Variants in NOG observed in about 807,000 individuals in gnomAD.
The protein encoded by NOG is symphalangism 1 (proximal).
Under a neutral mutation model 17.9 loss-of-function variants are expected in NOG, and 2 were observed. The ratio of observed to expected loss-of-function variants is 0.11; its 90% CI spans 0.05 to 0.35. NOG has a LOEUF of 0.35. NOG is among the 10% of genes least tolerant of loss of function. NOG has a pLI of 1.00. For missense variants in NOG, 266 were observed against 318.6 expected (o/e 0.83, Z 1.26); for synonymous variants, 166 against 148.7 (o/e 1.12, Z -0.85).
chr17:56,594,361 C>T lies in NOG; in HGVS notation c.138C>T (p.Leu46=), dbSNP rs1485754141. The T allele has an allele frequency of 3.7e-6, 6 of 1,613,282 alleles. No homozygotes were observed. Among genetic ancestry groups the T allele is most frequent in the East Asian group, 4.5e-5 (2 of 44,876 alleles). Residue 46 remains leucine (L), a synonymous_variant, in exon 1 of 1, where the codon CTC becomes CTT. Transcript: ENST00000332822. ...APSDNLPLVD[L]IEHPDPIFDP... is the part of the protein sequence containing the mutation. ...GCGACAACCTGCCCCTGGTGGACCT[C>T]ATCGAACACCCAGACCCTATCTTTG...
At position 56,595,195 on chromosome 17, in the gene NOG, C is replaced by T. The variant is rs1435662461; in HGVS notation, c.*273C>T. On this transcript the variant is annotated 3_prime_UTR_variant, in exon 1 of 1. Coordinates refer to ENST00000332822, the MANE Select transcript of NOG (RefSeq NM_005450.6). ...AGTATTATACGTTAAAAGTTACCGG[C>T]TTCTACTGTATTTTTAAAAAAAAGT... 7 of 318,334 alleles carry T rather than the reference C, an allele frequency of 2.2e-5. No homozygotes were observed. In the Admixed American group the frequency reaches 2.5e-4, roughly 11 times the overall value. 19.7% of individuals were successfully genotyped at this position (318,334 alleles called of 1,614,324 possible). A position where few individuals can be genotyped will look rare whatever the true frequency, so the allele number is the denominator to read the frequency against.
At position 56,594,130 on chromosome 17, in the gene NOG, G is replaced by T. The variant is rs2052464384; in HGVS notation, c.-94G>T. 16 of 1,162,310 alleles carry T rather than the reference G, an allele frequency of 1.4e-5. No homozygotes were observed. In the Admixed American group the frequency reaches 2.1e-4, roughly 16 times the overall value. The allele number at this position is 1,162,310 out of a possible 1,614,324, so 72.0% of individuals were successfully genotyped here. A position where few individuals can be genotyped will look rare whatever the true frequency, so the allele number is the denominator to read the frequency against. ...GCCCAGCCTCGGGTGAGCCGCCTCC[G>T]GAGAGACGGGGGAGCGCGGCGGCGC... On this transcript the variant is annotated 5_prime_UTR_variant, in exon 1 of 1. Coordinates refer to ENST00000332822, the MANE Select transcript of NOG (RefSeq NM_005450.6).
rs2052472574 is a variant in NOG at position 56,594,867 on chromosome 17, G to T, written c.644G>T (p.Cys215Phe). 1 of 1,605,446 alleles carries T rather than the reference G, an allele frequency of 6.2e-7. No homozygotes were observed. Among genetic ancestry groups the T allele is most frequent in the Non-Finnish European group, 8.5e-7 (1 of 1,176,160 alleles). The change falls in exon 1 of 1, where the codon TGC becomes TTC. Residue 215 changes from cysteine to phenylalanine, a missense_variant. Physicochemically the swap from Cys to Phe is radical, Grantham distance 205. Coordinates refer to ENST00000332822, the MANE Select transcript of NOG (RefSeq NM_005450.6). ...TGTCAGCGGCGCGGGGGCCAGCGCT[G>T]CGGCTGGATTCCCATCCAGTACCCC... ...WRCQRRGGQRCGWIPIQYPII... is the reference protein window; with the variant it reads ...WRCQRRGGQRFGWIPIQYPII...
At position 56,594,665 on chromosome 17, in the gene NOG, T is replaced by C. The variant is rs892664793; in HGVS notation, c.442T>C (p.Trp148Arg). 6.2e-7 allele frequency: 1 copy of C among 1,613,904 alleles called. No homozygotes were observed. The highest frequency in any genetic ancestry group is 1.3e-5 in the African/African-American group (1 of 74,940). The change falls in exon 1 of 1, where the codon TGG (tryptophan) becomes CGG (arginine). Residue 148 changes from tryptophan (W) to arginine (R), a missense_variant. Trp to Arg is a moderately radical substitution (Grantham distance 101). Around this residue, in one of 2 missense-constraint regions of NOG, gnomAD observed 74 missense variants for 121.0 expected, o/e 0.61. Transcript: ENST00000332822. ...SKKLRRKLQM[W>R]LWSQTFCPVL... is the part of the protein sequence containing the mutation. ...GAAGCTGCGGAGGAAGTTACAGATG[T>C]GGCTGTGGTCGCAGACATTCTGCCC...
In NOG at chr17:56,594,152, G is replaced by GCGC. The variant is rs956490471; in HGVS notation, c.-68_-66dup. On this transcript the variant is annotated 5_prime_UTR_variant, in exon 1 of 1. Coordinates refer to ENST00000332822, the MANE Select transcript of NOG (RefSeq NM_005450.6). ...TCCGGAGAGACGGGGGAGCGCGGCG[G>GCGC]CGCCGCGGGCTCGGCGTGCTCTCCT... The GCGC allele has an allele frequency of 7.5e-6, 10 of 1,335,126 alleles. No homozygotes were observed. The highest frequency in any genetic ancestry group is 4.6e-5 in the African/African-American group (3 of 65,614). The allele number at this position is 1,335,126 out of a possible 1,614,324, so 82.7% of individuals were successfully genotyped here.
rs71139919 is a variant in NOG at position 56,595,031 on chromosome 17, C to CTTTTTTT, written c.*129_*135dup. 23 of 365,052 alleles carry CTTTTTTT rather than the reference C, an allele frequency of 6.3e-5. No homozygotes were observed. In the African/African-American group the frequency reaches 8.6e-4, roughly 14 times the overall value. The allele number at this position is 365,052 out of a possible 1,614,324, so 22.6% of individuals were successfully genotyped here. Reference sequence around the variant, plus strand: ...CCCTCTAGCGAGGGTTTTCAATGAACTTTTTTTTTTTTTTTTTTTTTTTTT... The same window carrying CTTTTTTT: ...CCCTCTAGCGAGGGTTTTCAATGAACTTTTTTTTTTTTTTTTTTTTTTTTTTTTTTTT... On this transcript the variant is annotated 3_prime_UTR_variant, in exon 1 of 1. Coordinates refer to ENST00000332822, the MANE Select transcript of NOG (RefSeq NM_005450.6).
Position 56,594,234 on chromosome 17 carries a change from G to A in NOG, c.11G>A (p.Cys4Tyr), listed in dbSNP as rs747066445. The change falls in exon 1 of 1, where the codon TGC becomes TAC. Residue 4 changes from cysteine (C) to tyrosine (Y), a missense_variant. Physicochemically the swap from Cys to Tyr is radical, Grantham distance 194. Coordinates refer to ENST00000332822, the MANE Select transcript of NOG (RefSeq NM_005450.6). MER[C>Y]PSLGVTLYAL... ...GCGCGCGCCAGAGGCATGGAGCGCT[G>A]CCCCAGCCTAGGGGTCACCCTCTAC... The A allele has an allele frequency of 1.3e-6, 2 of 1,586,558 alleles. No homozygotes were observed. The highest frequency in any genetic ancestry group is 1.8e-5 in the Admixed American group (1 of 55,710).
At position 56,594,260 on chromosome 17, in the gene NOG, G is replaced by T. The variant is rs1404614359; in HGVS notation, c.37G>T (p.Ala13Ser). 6.2e-7 allele frequency: 1 copy of T among 1,608,428 alleles called. No individual in the cohort carries two copies. Residue 13 changes from alanine (A) to serine (S), a missense_variant, in exon 1 of 1, where the codon GCC (alanine) becomes TCC (serine). This residue lies in a region of NOG where 192 missense variants were observed against 197.6 expected (regional missense o/e 0.97). Transcript: ENST00000332822. Reference sequence around the variant, plus strand: ...CCCCAGCCTAGGGGTCACCCTCTACGCCCTGGTGGTGGTCCTGGGGCTGCG... The same window carrying T: ...CCCCAGCCTAGGGGTCACCCTCTACTCCCTGGTGGTGGTCCTGGGGCTGCG... ...RCPSLGVTLY[A>S]LVVVLGLRAT...
chr17:56,593,909 G>A lies in NOG; in HGVS notation c.-315G>A. The A allele has an allele frequency of 3.0e-6, 1 of 337,018 alleles. No homozygotes were observed. The highest frequency in any genetic ancestry group is 5.3e-6 in the Non-Finnish European group (1 of 187,306). 20.9% of individuals were successfully genotyped at this position (337,018 alleles called of 1,614,324 possible). On this transcript the variant is annotated 5_prime_UTR_variant, in exon 1 of 1. Coordinates refer to ENST00000332822, the MANE Select transcript of NOG (RefSeq NM_005450.6). ...GCGCCCTGCGCCGCCGCCGGCCCGGGAAGGCAGCGAGGAGCCGGCGCCTCC... is the reference window on the plus strand; with the variant it reads ...GCGCCCTGCGCCGCCGCCGGCCCGGAAAGGCAGCGAGGAGCCGGCGCCTCC...
chr17:56,594,925 C>T lies in NOG; in HGVS notation c.*3C>T. Reference sequence around the variant, plus strand: ...CCGAGTGCAAGTGCTCGTGCTAGAACTCGGGGGCCCCCTGCCCGCACCCGG... The same window carrying T: ...CCGAGTGCAAGTGCTCGTGCTAGAATTCGGGGGCCCCCTGCCCGCACCCGG... On this transcript the variant is annotated 3_prime_UTR_variant, in exon 1 of 1. Coordinates refer to ENST00000332822, the MANE Select transcript of NOG (RefSeq NM_005450.6). 6.4e-7 allele frequency: 1 copy of T among 1,563,058 alleles called. No individual in the cohort carries two copies. The highest frequency in any genetic ancestry group is 8.7e-7 in the Non-Finnish European group (1 of 1,153,124).
chr17:56,594,056 C>A lies in NOG; in HGVS notation c.-168C>A. The A allele has an allele frequency of 2.0e-6, 1 of 503,132 alleles. No homozygotes were observed. The highest frequency in any genetic ancestry group is 3.4e-6 in the Non-Finnish European group (1 of 295,932). 31.2% of individuals were successfully genotyped at this position (503,132 alleles called of 1,614,324 possible). On this transcript the variant is annotated 5_prime_UTR_variant, in exon 1 of 1. Transcript: ENST00000332822. Reference sequence around the variant, plus strand: ...TTTCTTCCGCCCCGGTGGGAGCCGGCGCTGCGCGAAGGGCTCTCCCGGCGG... The same window carrying A: ...TTTCTTCCGCCCCGGTGGGAGCCGGAGCTGCGCGAAGGGCTCTCCCGGCGG...
At position 56,594,948 on chromosome 17, in the gene NOG, C is replaced by T; in HGVS notation, c.*26C>T. 1.3e-6 allele frequency: 2 copies of T among 1,527,392 alleles called. No homozygotes were observed. The highest frequency in any genetic ancestry group is 2.0e-5 in the Admixed American group (1 of 51,262). 94.6% of individuals were successfully genotyped at this position (1,527,392 alleles called of 1,614,324 possible). On this transcript the variant is annotated 3_prime_UTR_variant, in exon 1 of 1. Transcript: ENST00000332822. The stretch of plus-strand genomic sequence containing the variant: ...AACTCGGGGGCCCCCTGCCCGCACC[C>T]GGACACTTGATCGATCCCCACCGAC...
rs562377763 is a variant in NOG, at chr17:56,593,895, C to T, written c.-329C>T. 5 of 314,374 alleles carry T rather than the reference C, an allele frequency of 1.6e-5. No individual in the cohort carries two copies. The highest frequency in any genetic ancestry group is 2.3e-5 in the Non-Finnish European group (4 of 173,324). The allele number at this position is 314,374 out of a possible 1,614,324, so 19.5% of individuals were successfully genotyped here. A position where few individuals can be genotyped will look rare whatever the true frequency, so the allele number is the denominator to read the frequency against. Reference sequence around the variant, plus strand: ...AGCGGCTCGTCCACGCGCCCTGCGCCGCCGCCGGCCCGGGAAGGCAGCGAG... The same window carrying T: ...AGCGGCTCGTCCACGCGCCCTGCGCTGCCGCCGGCCCGGGAAGGCAGCGAG... On this transcript the variant is annotated 5_prime_UTR_variant, in exon 1 of 1. Coordinates refer to ENST00000332822, the MANE Select transcript of NOG (RefSeq NM_005450.6).
rs1175630465 is a variant in NOG, at chr17:56,594,457, C to T, written c.234C>T (p.Phe78=). 1.9e-6 allele frequency: 3 copies of T among 1,612,712 alleles called. No individual in the cohort carries two copies. Among genetic ancestry groups the T allele is most frequent in the Non-Finnish European group, 2.5e-6 (3 of 1,179,678 alleles). Residue 78 remains phenylalanine (F), a synonymous_variant, in exon 1 of 1, where the codon TTC becomes TTT. Transcript: ENST00000332822. ...TCGGGGGCCACTACGACCCAGGCTT[C>T]ATGGCCACCTCGCCCCCCGAGGACC... The part of the protein sequence containing the change: ...SLLGGHYDPG[F]MATSPPEDRP...
chr17:56,594,085 A>G lies in NOG; in HGVS notation c.-139A>G, dbSNP rs1212041252. 1.6e-5 allele frequency: 10 copies of G among 616,240 alleles called. No homozygotes were observed. Among genetic ancestry groups the G allele is most frequent in the Non-Finnish European group, 2.5e-5 (10 of 392,252 alleles). The allele number at this position is 616,240 out of a possible 1,614,324, so 38.2% of individuals were successfully genotyped here. A position where few individuals can be genotyped will look rare whatever the true frequency, so the allele number is the denominator to read the frequency against. On this transcript the variant is annotated 5_prime_UTR_variant, in exon 1 of 1. It removes an upstream start codon present in the reference 5' UTR. Transcript: ENST00000332822. The stretch of plus-strand genomic sequence containing the variant: ...GCGCGAAGGGCTCTCCCGGCGGCTC[A>G]TGCTGCCGGCCCTGCGCCTGCCCAG...
At position 56,594,281 on chromosome 17, in the gene NOG, C is replaced by T. The variant is rs778974686; in HGVS notation, c.58C>T (p.Leu20=). The T allele has an allele frequency of 3.1e-6, 5 of 1,611,832 alleles. No homozygotes were observed. The highest frequency in any genetic ancestry group is 4.2e-6 in the Non-Finnish European group (5 of 1,179,436). Residue 20 remains leucine (L), a synonymous_variant, in exon 1 of 1, where the codon CTG becomes TTG. Coordinates refer to ENST00000332822, the MANE Select transcript of NOG (RefSeq NM_005450.6). Reference sequence around the variant, plus strand: ...CTACGCCCTGGTGGTGGTCCTGGGGCTGCGGGCGACACCGGCCGGCGGCCA... The same window carrying T: ...CTACGCCCTGGTGGTGGTCCTGGGGTTGCGGGCGACACCGGCCGGCGGCCA... ...TLYALVVVLG[L]RATPAGGQHY...
Position 56,594,284 on chromosome 17 carries a change from C to G in NOG, c.61C>G (p.Arg21Gly). 1 of 1,612,026 alleles carries G rather than the reference C, an allele frequency of 6.2e-7. No homozygotes were observed. The highest frequency in any genetic ancestry group is 1.1e-5 in the South Asian group (1 of 90,978). The change falls in exon 1 of 1, where the codon CGG becomes GGG. Residue 21 changes from arginine to glycine, a missense_variant. By Grantham distance (125) the Arg-to-Gly change is moderately radical (BLOSUM62 -2). Coordinates refer to ENST00000332822, the MANE Select transcript of NOG (RefSeq NM_005450.6). ...CGCCCTGGTGGTGGTCCTGGGGCTGCGGGCGACACCGGCCGGCGGCCAGCA... is the reference window on the plus strand; with the variant it reads ...CGCCCTGGTGGTGGTCCTGGGGCTGGGGGCGACACCGGCCGGCGGCCAGCA... Reference protein sequence around the residue: ...LYALVVVLGLRATPAGGQHYL... With the variant: ...LYALVVVLGLGATPAGGQHYL...
rs375026622 is a variant in NOG, at chr17:56,594,495, G to C, written c.272G>C (p.Gly91Ala). 2.5e-6 allele frequency: 4 copies of C among 1,609,560 alleles called. No homozygotes were observed. The African/African-American group carries it at 5.3e-5, about 22-fold the overall frequency. Residue 91 changes from glycine to alanine, a missense_variant, in exon 1 of 1, where the codon GGC becomes GCC. Around this residue, in one of 2 missense-constraint regions of NOG, gnomAD observed 192 missense variants for 197.6 expected, o/e 0.97. Transcript: ENST00000332822. ...CCCCCCGAGGACCGGCCCGGCGGGG[G>C]CGGGGGTGCAGCTGGGGGCGCGGAG... is the stretch of plus-strand genomic sequence containing the variant. ...TSPPEDRPGG[G>A]GGAAGGAEDL...
chr17:56,594,901 C>A lies in NOG; in HGVS notation c.678C>A (p.Ser226=). 1 of 1,590,170 alleles carries A rather than the reference C, an allele frequency of 6.3e-7. No individual in the cohort carries two copies. The highest frequency in any genetic ancestry group is 2.3e-5 in the East Asian group (1 of 43,582). ...TTCCCATCCAGTACCCCATCATTTCCGAGTGCAAGTGCTCGTGCTAGAACT... is the reference window on the plus strand; with the variant it reads ...TTCCCATCCAGTACCCCATCATTTCAGAGTGCAAGTGCTCGTGCTAGAACT... ...GWIPIQYPII[S]ECKCSC Residue 226 remains serine (S), a synonymous_variant, in exon 1 of 1, where the codon TCC becomes TCA. Coordinates refer to ENST00000332822, the MANE Select transcript of NOG (RefSeq NM_005450.6).
Sources: allele counts gnomAD v4.1 joint callset, GRCh38; gene constraint gnomAD v4.1.1; regional missense constraint gnomAD v4.1.1; transcripts MANE v1.5; gene names NCBI Gene and HGNC (gene_info 2026-07-23, HGNC 2026-07-21).